Variants in YKT6 observed in about 807,000 individuals in gnomAD.
YKT6 encodes the protein YKT6 vesicular SNARE protein.
A neutral mutation model predicts 29.3 loss-of-function variants in YKT6; 12 were observed. The observed-to-expected ratio is 0.41, with a 90% CI of 0.26 to 0.66. YKT6 has a LOEUF of 0.66. YKT6 is among the 30% of genes least tolerant of loss of function. YKT6 has a pLI of 0.32. For synonymous variants in YKT6, 86 were observed against 94.3 expected, an observed-to-expected ratio of 0.91 and a Z score of 0.51; for missense variants, 188 against 243.8, an observed-to-expected ratio of 0.77 and a Z score of 1.52.
chr7:44,205,551 C>T (rs1583646132), intron 2 of YKT6, among the ~76,000 whole-genome samples: 1 of 152,156 alleles, frequency 6.6e-6, no homozygotes. Flanking sequence ...ACCATCATTC[C>T]CTCCTCTTTT....
chr7:44,207,614 T>A, intron 4 of YKT6, 122 bp downstream of exon 4: 1 of 797,914 alleles, frequency 1.3e-6, no homozygotes, highest in Admixed American at 2.4e-5. Context: ...GCTGGTGTCC[T>A]CTCTCAAGCC....
rs1163043996 is a variant in YKT6 at position 44,210,701 on chromosome 7, A to G, written c.460-322A>G. 1.3e-5 allele frequency: 5 copies of G among 397,858 alleles called. No homozygotes were observed. In the East Asian group the frequency reaches 3.4e-4, roughly 27 times the overall value. The allele number at this position is 397,858 out of a possible 1,614,324, so 24.6% of individuals were successfully genotyped here. A position where few individuals can be genotyped will look rare whatever the true frequency, so the allele number is the denominator to read the frequency against. ...GCGTGCACACACACACACACACACA[A>G]ATGTATATATAAATGTGTGTGTATA... On this transcript the variant is annotated intron_variant, in intron 5 of 6. Coordinates refer to ENST00000223369, the MANE Select transcript of YKT6 (RefSeq NM_006555.4).
chr7:44,211,842 T>C (rs1374408515), intron 6 of YKT6, among the ~76,000 whole-genome samples: 1 of 152,246 alleles, frequency 6.6e-6, no homozygotes, highest in African/African-American at 2.4e-5. Context: ...CTCAGGACCA[T>C]CTTCTAGGAA....
Position 44,212,607 on chromosome 7 carries a change from G to A in YKT6, c.*325G>A, listed in dbSNP as rs902859786. ...GGGAAGGCTCTGTGGGAGGGAGGTC[G>A]GAGCCAGCTGTTTCTCGATCTTTGG... On this transcript the variant is annotated 3_prime_UTR_variant, in exon 7 of 7. Transcript: ENST00000223369. 14 of 335,422 alleles carry A rather than the reference G, an allele frequency of 4.2e-5. No individual in the cohort carries two copies. The highest frequency in any genetic ancestry group is 1.5e-4 in the African/African-American group (7 of 47,404). 20.8% of individuals were successfully genotyped at this position (335,422 alleles called of 1,614,324 possible). A position where few individuals can be genotyped will look rare whatever the true frequency, so the allele number is the denominator to read the frequency against.
Position 44,201,061 on chromosome 7 carries a change from A to T in YKT6, c.-75A>T. On this transcript the variant is annotated 5_prime_UTR_variant, in exon 1 of 7. Transcript: ENST00000223369. ...AGGCCGGTAGGCGGCGGCGGTCCCGAGGGGCGGCGGCCGCGCTGCTCCCTG... is the reference window on the plus strand; with the variant it reads ...AGGCCGGTAGGCGGCGGCGGTCCCGTGGGGCGGCGGCCGCGCTGCTCCCTG... 6 of 1,292,770 alleles carry T rather than the reference A, an allele frequency of 4.6e-6. No homozygotes were observed. Among genetic ancestry groups the T allele is most frequent in the Non-Finnish European group, 6.2e-6 (6 of 967,400 alleles). 80.1% of individuals were successfully genotyped at this position (1,292,770 alleles called of 1,614,324 possible).
chr7:44,203,699 G>A (rs922198361), intron 1 of YKT6, among the ~76,000 whole-genome samples: 3 of 152,088 alleles, frequency 2.0e-5, no homozygotes, highest in Non-Finnish European at 2.9e-5. Context: ...GTATTACCTC[G>A]TTTAACTGTT....
intron 1 of YKT6, among the ~76,000 whole-genome samples, chr7:44,203,897 C>T (rs1330751036): frequency 1.3e-5 from 2 of 152,228 alleles, no homozygotes; most frequent in African/African-American, 4.8e-5. Flanking sequence ...CTTCCTCTGG[C>T]TGTACCATCT....
intron 4 of YKT6, 130 bp downstream of exon 4, chr7:44,207,622 G>A (rs2128839709): frequency 1.3e-6 from 1 of 753,644 alleles, no homozygotes; most frequent in East Asian, 2.7e-5. Context: ...CCTCTCTCAA[G>A]CCTTACTGTT....
chr7:44,202,150 G>C (rs1184760271), intron 1 of YKT6, among the ~76,000 whole-genome samples: 3 of 151,922 alleles, frequency 2.0e-5, no homozygotes, highest in African/African-American at 7.3e-5. Flanking sequence ...TTTGGATTCT[G>C]TTTTCCCTGC....
chr7:44,204,539 A>T (rs1275731813), intron 1 of YKT6, 29 bp from the exon 2 acceptor site: 6 of 1,610,762 alleles, frequency 3.7e-6, no homozygotes, highest in Non-Finnish European at 5.1e-6. Context: ...GATAAGAAGT[A>T]GGCAATAAAT....
intron 4 of YKT6, among the ~76,000 whole-genome samples, chr7:44,207,709 CA>C (rs2096342229): frequency 6.6e-6 from 1 of 151,954 alleles, no homozygotes; most frequent in South Asian, 2.1e-4. Context: ...ACATGTTAAA[CA>C]GGCTGTGGGT....
Position 44,206,478 on chromosome 7 carries a change from T to C in YKT6, c.281T>C (p.Leu94Pro). The C allele has an allele frequency of 6.2e-7, 1 of 1,613,902 alleles. No individual in the cohort carries two copies. The highest frequency in any genetic ancestry group is 8.5e-7 in the Non-Finnish European group (1 of 1,179,996). Residue 94 changes from leucine to proline, a missense_variant, in exon 3 of 7, where the codon CTG becomes CCG. Leu to Pro is a moderately conservative substitution (Grantham distance 98, BLOSUM62 -3). This residue lies in a region of YKT6 where 100 missense variants were observed against 136.3 expected (regional missense o/e 0.73). Transcript: ENST00000223369. ...EYPSRVAFTLLEKVLDEFSKQ... is the reference protein window; with the variant it reads ...EYPSRVAFTLPEKVLDEFSKQ... ...CCATCCCGGGTGGCCTTTACCTTGC[T>C]GGAGAAGGTGAGTTTTTTATTTGCC...
rs558826473 is a variant in YKT6, at chr7:44,212,521, T to G, written c.*239T>G. 30 of 502,162 alleles carry G rather than the reference T, an allele frequency of 6.0e-5. No homozygotes were observed. Among genetic ancestry groups the G allele is most frequent in the African/African-American group, 5.2e-4 (27 of 51,838 alleles). The allele number at this position is 502,162 out of a possible 1,614,324, so 31.1% of individuals were successfully genotyped here. Reference sequence around the variant, plus strand: ...CCCCAAAGGTGTATTTTTGGGCAAATGAAACCATAAACTCCGACTGGCTTC... The same window carrying G: ...CCCCAAAGGTGTATTTTTGGGCAAAGGAAACCATAAACTCCGACTGGCTTC... On this transcript the variant is annotated 3_prime_UTR_variant, in exon 7 of 7. Transcript: ENST00000223369.
rs2096348495 is a variant in YKT6 at position 44,212,951 on chromosome 7, G to A, written c.*669G>A. The stretch of plus-strand genomic sequence containing the variant: ...GCAGCTTCCAAGTCCCACAAAGGTG[G>A]CTTGTGGGAGGATTTGGAAGGAGCT... On this transcript the variant is annotated 3_prime_UTR_variant, in exon 7 of 7. Coordinates refer to ENST00000223369, the MANE Select transcript of YKT6 (RefSeq NM_006555.4). The A allele has an allele frequency of 6.6e-6, 1 of 152,258 alleles. No homozygotes were observed. The highest frequency in any genetic ancestry group is 1.5e-5 in the Non-Finnish European group (1 of 68,048). 9.4% of individuals were successfully genotyped at this position (152,258 alleles called of 1,614,324 possible).
intron 5 of YKT6, among the ~76,000 whole-genome samples, chr7:44,209,235 T>C (rs1431333394): frequency 6.6e-6 from 1 of 152,198 alleles, no homozygotes; most frequent in Non-Finnish European, 1.5e-5. Flanking sequence ...CAGCGTCTCC[T>C]GGGGTTGGAG....
chr7:44,210,581 G>T, intron 5 of YKT6: 1 of 290,968 alleles, frequency 3.4e-6, no homozygotes, highest in South Asian at 3.0e-5. Context: ...ATGCGGTTGG[G>T]GTTGGGGGGT....
At chr7:44,209,494 T>C (rs1366082246) in intron 5 of YKT6, among the ~76,000 whole-genome samples, 1 of 152,226 alleles carries the variant, frequency 6.6e-6, no homozygotes, top group East Asian at 1.9e-4. Context: ...CCATGACACC[T>C]GGGACACCCG....
rs1337396759 is a variant in YKT6 at position 44,212,891 on chromosome 7, G to A, written c.*609G>A. On this transcript the variant is annotated 3_prime_UTR_variant, in exon 7 of 7. Coordinates refer to ENST00000223369, the MANE Select transcript of YKT6 (RefSeq NM_006555.4). ...GTTGTTTAGCTTACCTTTCTGCTAG[G>A]ATTGGCTTCCCGCAGAGGGCAGGGC... 1.3e-5 allele frequency: 2 copies of A among 152,340 alleles called. No individual in the cohort carries two copies. Among genetic ancestry groups the A allele is most frequent in the East Asian group, 1.9e-4 (1 of 5,206 alleles). 9.4% of individuals were successfully genotyped at this position (152,340 alleles called of 1,614,324 possible).
rs1333252358 is a variant in YKT6 at position 44,200,990 on chromosome 7, A to G, written c.-146A>G. ...CGGATCCGGAAGTGGATTGCGAGCC[A>G]GGAGGAGGAAGCCGGCGGTGGCCCC... On this transcript the variant is annotated 5_prime_UTR_variant, in exon 1 of 7. Coordinates refer to ENST00000223369, the MANE Select transcript of YKT6 (RefSeq NM_006555.4). The G allele has an allele frequency of 8.5e-6, 5 of 588,428 alleles. No homozygotes were observed. Among genetic ancestry groups the G allele is most frequent in the Non-Finnish European group, 1.2e-5 (4 of 347,476 alleles). 36.5% of individuals were successfully genotyped at this position (588,428 alleles called of 1,614,324 possible). A position where few individuals can be genotyped will look rare whatever the true frequency, so the allele number is the denominator to read the frequency against.
Sources: gnomAD v4.1 joint callset for allele counts (sites outside exome capture counted in the v4.1 genomes callset) on GRCh38, gnomAD v4.1.1 for gene constraint, gnomAD v4.1.1 regional missense constraint, MANE v1.5 for transcripts, NCBI Gene and HGNC (gene_info 2026-07-23, HGNC 2026-07-21) for gene names.